PTPRD: variants seen among roughly 807,000 people sequenced by gnomAD.
The protein encoded by PTPRD is receptor-type tyrosine-protein phosphatase delta.
PTPRD carries 34 observed loss-of-function variants against 214.5 expected under a neutral mutation model. The observed-to-expected ratio is 0.16, with a 90% CI of 0.12 to 0.21. PTPRD has a LOEUF of 0.21. Among genes scored for constraint, PTPRD ranks in the 10% least tolerant of loss-of-function variants. The probability of loss-of-function intolerance (pLI) is 1.00; values close to 1 mark genes in which losing one functional copy is unlikely to be tolerated. For synonymous variants in PTPRD, 1,128 were observed against 845.7 expected, an observed-to-expected ratio of 1.33 and a Z score of -5.79; for missense variants, 2,545 against 2,398.7, an observed-to-expected ratio of 1.06 and a Z score of -1.27.
intron 11 of PTPRD, among the ~76,000 whole-genome samples, chr9:8,772,923 G>A (rs1172328438): frequency 6.6e-6 from 1 of 152,012 alleles, no homozygotes; most frequent in African/African-American, 2.4e-5. Context: ...ATAACTTTAG[G>A]CCTTGTTTTT....
intron 3 of PTPRD, among the ~76,000 whole-genome samples, chr9:10,145,952 CAGTT>C (rs143635069): frequency 0.039 from 5,880 of 151,762 alleles, 360 homozygotes; most frequent in African/African-American, 0.14. Context: ...TGTTTATAAA[CAGTT>C]AATTAAGATA....
At chr9:9,517,812 C>G (rs2096873407) in intron 8 of PTPRD, among the ~76,000 whole-genome samples, 1 of 151,836 alleles carries the variant, frequency 6.6e-6, no homozygotes, top group Non-Finnish European at 1.5e-5. Flanking sequence ...GAAAATAATT[C>G]AAACCACCTG....
At chr9:9,126,270 T>C (rs769055706) in intron 10 of PTPRD, among the ~76,000 whole-genome samples, 3 of 152,172 alleles carry the variant, frequency 2.0e-5, no homozygotes, top group Non-Finnish European at 1.5e-5. Flanking sequence ...AGGGGCAGGA[T>C]TCAAAACATT....
intron 12 of PTPRD, among the ~76,000 whole-genome samples, chr9:8,696,355 C>A (rs1027443918): frequency 2.0e-5 from 3 of 152,198 alleles, no homozygotes; most frequent in Non-Finnish European, 4.4e-5. Context: ...ATTCACTTAA[C>A]TATCAAATGT....
chr9:8,620,326 C>A (rs896828156), intron 14 of PTPRD, among the ~76,000 whole-genome samples: 3 of 152,044 alleles, frequency 2.0e-5, no homozygotes, highest in Non-Finnish European at 2.9e-5. Flanking sequence ...ACCATTCCTG[C>A]CTTCTACCTG....
At chr9:9,010,563 T>A (rs1481403643) in intron 11 of PTPRD, among the ~76,000 whole-genome samples, 1 of 152,226 alleles carries the variant, frequency 6.6e-6, no homozygotes. Context: ...CCAGTGCACA[T>A]GTTTTCACAT....
intron 4 of PTPRD, among the ~76,000 whole-genome samples, chr9:9,995,609 G>A (rs563595122): frequency 6.6e-6 from 1 of 152,076 alleles, no homozygotes; most frequent in Non-Finnish European, 1.5e-5. Context: ...TAAACCTCCT[G>A]GTTCAAGGAG....
chr9:8,829,253 T>C (rs544675467), intron 11 of PTPRD, among the ~76,000 whole-genome samples: 46 of 152,282 alleles, frequency 3.0e-4, no homozygotes, highest in African/African-American at 1.1e-3. Flanking sequence ...AGCTTGTTCA[T>C]GTCCTTATCC....
intron 2 of PTPRD, among the ~76,000 whole-genome samples, chr9:10,482,166 T>G (rs943013882): frequency 6.6e-6 from 1 of 151,828 alleles, no homozygotes; most frequent in Non-Finnish European, 1.5e-5. Context: ...GGTCAGGAGA[T>G]TGAGACCAGC....
At chr9:9,940,869 T>C (rs2091266104) in intron 4 of PTPRD, among the ~76,000 whole-genome samples, 2 of 152,166 alleles carry the variant, frequency 1.3e-5, no homozygotes, top group African/African-American at 4.8e-5. Context: ...CTATGAGATA[T>C]GATCTGAAGG....
At chr9:9,549,823 T>C (rs536115254) in intron 8 of PTPRD, among the ~76,000 whole-genome samples, 1 of 152,046 alleles carries the variant, frequency 6.6e-6, no homozygotes, top group African/African-American at 2.4e-5. Flanking sequence ...AAACACAAAA[T>C]ACAAAACTTT....
chr9:9,568,463 T>G (rs1229696926), intron 8 of PTPRD, among the ~76,000 whole-genome samples: 1 of 151,844 alleles, frequency 6.6e-6, no homozygotes, highest in Non-Finnish European at 1.5e-5. Context: ...GAAGAGTATG[T>G]GACATGTAAT....
At chr9:10,532,159 C>T (rs2056542536) in intron 2 of PTPRD, 1 of 152,084 alleles carries the variant, frequency 6.6e-6, no homozygotes, top group African/African-American at 2.4e-5. Flanking sequence ...GCCACACCCA[C>T]CTTTATGTGT....
intron 2 of PTPRD, among the ~76,000 whole-genome samples, chr9:10,449,133 C>A (rs1040527595): frequency 6.6e-6 from 1 of 152,028 alleles, no homozygotes; most frequent in East Asian, 1.9e-4. Flanking sequence ...TCACTGCAAC[C>A]TCCCTGCCTG....
At chr9:8,947,462 CAAA>C (rs138279192) in intron 11 of PTPRD, among the ~76,000 whole-genome samples, 6 of 92,994 alleles carry the variant, frequency 6.5e-5, no homozygotes, top group Non-Finnish European at 6.5e-5. Context: ...GACTCTGTCT[CAAA>C]AAAAAAAAAA....
chr9:9,028,831 G>C (rs551955109), intron 10 of PTPRD, among the ~76,000 whole-genome samples: 1 of 151,850 alleles, frequency 6.6e-6, no homozygotes, highest in African/African-American at 2.4e-5. Context: ...TTGCCCAGGC[G>C]AGTTAGAATT....
intron 8 of PTPRD, among the ~76,000 whole-genome samples, chr9:9,496,992 T>A (rs941354163): frequency 4.6e-5 from 7 of 152,052 alleles, no homozygotes; most frequent in African/African-American, 1.7e-4. Context: ...AAGCCAGTCA[T>A]AAAAAAAGAC....
At chr9:10,192,690 C>T (rs188231623) in intron 3 of PTPRD, among the ~76,000 whole-genome samples, 1 of 152,124 alleles carries the variant, frequency 6.6e-6, no homozygotes, top group African/African-American at 2.4e-5. Context: ...CAAATCCTAA[C>T]CTTGCTCTCA....
intron 10 of PTPRD, among the ~76,000 whole-genome samples, chr9:9,182,975 T>A (rs1162955082): frequency 2.0e-5 from 3 of 151,974 alleles, no homozygotes; most frequent in Non-Finnish European, 4.4e-5. Context: ...AACATTTAAA[T>A]CTATAAGCAT....
Sources: gnomAD v4.1 joint callset for allele counts (sites outside exome capture counted in the v4.1 genomes callset) on GRCh38, gnomAD v4.1.1 for gene constraint, MANE v1.5 for transcripts, NCBI Gene and HGNC (gene_info 2026-07-23, HGNC 2026-07-21) for gene names.